Variants in PHYHIPL observed in about 807,000 individuals in gnomAD.
The protein encoded by PHYHIPL is phytanoyl-CoA 2-hydroxylase interacting protein like.
In PHYHIPL, 9 loss-of-function variants were observed where a neutral mutation model predicts 33.4. That is an observed-to-expected ratio of 0.27 (90% CI 0.16 to 0.47). The LOEUF (loss-of-function observed/expected upper bound fraction) is 0.47. Among genes scored for constraint, PHYHIPL ranks in the 20% least tolerant of loss-of-function variants. The pLI, the probability that PHYHIPL is intolerant of heterozygous loss-of-function variation, is 0.99. For missense variants in PHYHIPL, 365 were observed against 460.7 expected (o/e 0.79, Z 1.90); for synonymous variants, 153 against 154.1 (o/e 0.99, Z 0.05).
intron 1 of PHYHIPL, among the ~76,000 whole-genome samples, chr10:59,207,257 G>C (rs1033781994): frequency 7.2e-5 from 11 of 152,164 alleles, no homozygotes; most frequent in African/African-American, 2.7e-4. Context: ...TGGTTAGACA[G>C]TGGGTGCAGC....
intron 1 of PHYHIPL, among the ~76,000 whole-genome samples, chr10:59,185,944 TG>T (rs1479457636): frequency 4.6e-5 from 7 of 152,224 alleles, no homozygotes; most frequent in African/African-American, 1.7e-4. Flanking sequence ...TAGTTTCTTT[TG>T]CTGTGCAGAA....
chr10:59,183,659 A>G (rs1838477284), intron 1 of PHYHIPL: 1 of 985,114 alleles, frequency 1.0e-6, no homozygotes, highest in Non-Finnish European at 1.2e-6. Flanking sequence ...CTGTATTTTG[A>G]AGATGCTCAA....
intron 1 of PHYHIPL, chr10:59,177,160 T>C (rs1589252393): frequency 3.3e-6 from 2 of 609,680 alleles, no homozygotes; most frequent in South Asian, 2.2e-5. Flanking sequence ...GCTCGCGCCT[T>C]GGCGCGGAAA....
chr10:59,215,549 G>A (rs753052280), intron 1 of PHYHIPL, among the ~76,000 whole-genome samples: 6 of 151,816 alleles, frequency 4.0e-5, no homozygotes, highest in South Asian at 2.1e-4. Context: ...GCGACAAGAC[G>A]GCCATGACCC....
chr10:59,197,449 C>T (rs773412631), intron 1 of PHYHIPL, among the ~76,000 whole-genome samples: 5 of 152,102 alleles, frequency 3.3e-5, no homozygotes, highest in African/African-American at 4.8e-5. Flanking sequence ...TTGGTTTTGG[C>T]ATCTGTTACC....
At chr10:59,188,086 T>G (rs1260078119) in intron 1 of PHYHIPL, among the ~76,000 whole-genome samples, 1 of 152,238 alleles carries the variant, frequency 6.6e-6, no homozygotes, top group Admixed American at 6.5e-5. Flanking sequence ...CTTTCCTGCT[T>G]TCTCTTGTGG....
upstream of PHYHIPL, among the ~76,000 whole-genome samples, chr10:59,176,367 G>C (rs1224615280): frequency 6.6e-6 from 1 of 152,156 alleles, no homozygotes; most frequent in Non-Finnish European, 1.5e-5. Flanking sequence ...GAGAGAGGGC[G>C]AGGCAGCCGC....
chr10:59,184,011 ATCTC>A (rs1838494423), intron 1 of PHYHIPL, among the ~76,000 whole-genome samples: 1 of 152,186 alleles, frequency 6.6e-6, no homozygotes, highest in African/African-American at 2.4e-5. Flanking sequence ...ATATTGGTGA[ATCTC>A]TCAGTCTTTA....
chr10:59,181,220 A>G (rs903465981), intron 1 of PHYHIPL, among the ~76,000 whole-genome samples: 2 of 152,310 alleles, frequency 1.3e-5, no homozygotes, highest in African/African-American at 4.8e-5. Flanking sequence ...TGAATGGAAT[A>G]TTGTCCACGT....
chr10:59,184,001 A>G (rs373169305), intron 1 of PHYHIPL, among the ~76,000 whole-genome samples: 4 of 152,310 alleles, frequency 2.6e-5, no homozygotes, highest in African/African-American at 9.6e-5. Context: ...ATGAATTTGA[A>G]TATTGGTGAA....
chr10:59,188,654 A>T (rs1367483716), intron 1 of PHYHIPL, among the ~76,000 whole-genome samples: 1 of 152,168 alleles, frequency 6.6e-6, no homozygotes, highest in Admixed American at 6.5e-5. Context: ...ATGCTCCTGT[A>T]TTGGGTGCAT....
intron 1 of PHYHIPL, among the ~76,000 whole-genome samples, chr10:59,199,536 A>C (rs920246170): frequency 4.6e-5 from 7 of 151,956 alleles, no homozygotes; most frequent in East Asian, 1.9e-4. Context: ...CTTGGCAATG[A>C]GGGCTCTTTT....
chr10:59,187,448 A>C (rs1838642922), intron 1 of PHYHIPL, among the ~76,000 whole-genome samples: 1 of 152,138 alleles, frequency 6.6e-6, no homozygotes, highest in Non-Finnish European at 1.5e-5. Context: ...TGTCTCTGCC[A>C]GGCTTTGGTA....
At chr10:59,219,213 A>T (rs1312962646) in intron 1 of PHYHIPL, 1 of 925,894 alleles carries the variant, frequency 1.1e-6, no homozygotes, top group East Asian at 1.2e-4. Flanking sequence ...AAAAATAAGA[A>T]AGTGCTATTT....
intron 4 of PHYHIPL, among the ~76,000 whole-genome samples, chr10:59,242,039 G>A (rs1840416210): frequency 6.6e-6 from 1 of 152,184 alleles, no homozygotes; most frequent in African/African-American, 2.4e-5. Context: ...AGTCCCTCAT[G>A]TACCAGCCAA....
intron 1 of PHYHIPL, among the ~76,000 whole-genome samples, chr10:59,217,406 T>A (rs1229810090): frequency 6.6e-6 from 1 of 152,058 alleles, no homozygotes; most frequent in Non-Finnish European, 1.5e-5. Flanking sequence ...ATAACTATTA[T>A]GTATATATTT....
intron 1 of PHYHIPL, among the ~76,000 whole-genome samples, chr10:59,224,090 T>G (rs985219149): frequency 6.6e-6 from 1 of 152,232 alleles, no homozygotes; most frequent in Admixed American, 6.5e-5. Context: ...TCCGTTACTA[T>G]ATATCATGCT....
At chr10:59,222,915 C>T (rs1412616125) in intron 1 of PHYHIPL, among the ~76,000 whole-genome samples, 3 of 152,120 alleles carry the variant, frequency 2.0e-5, no homozygotes, top group Non-Finnish European at 4.4e-5. Context: ...TATGTGGCTG[C>T]ATAACCTCAT....
chr10:59,245,301 G>A lies in PHYHIPL; in HGVS notation c.841G>A (p.Val281Met), dbSNP rs375913655. The change falls in exon 5 of 5, where the codon GTG (valine) becomes ATG (methionine). Residue 281 changes from valine to methionine, a missense_variant. Physicochemically the swap from Val to Met is conservative, Grantham distance 21. Coordinates refer to ENST00000373880, the MANE Select transcript of PHYHIPL (RefSeq NM_032439.4). ...CTGTATGTACACTGCTTATCATTAT[G>A]TGATTCTTGTTATTGCTCCTGTGGG... ...FYCMYTAYHY[V>M]ILVIAPVGSP... 1 of 1,614,044 alleles carries A rather than the reference G, an allele frequency of 6.2e-7. No homozygotes were observed. The highest frequency in any genetic ancestry group is 8.5e-7 in the Non-Finnish European group (1 of 1,180,036).
Sources: gnomAD v4.1 joint callset for allele counts (sites outside exome capture counted in the v4.1 genomes callset) on GRCh38, gnomAD v4.1.1 for gene constraint, MANE v1.5 for transcripts, NCBI Gene and HGNC (gene_info 2026-07-23, HGNC 2026-07-21) for gene names.